The following ARHGEF7 variants were observed in gnomAD, a reference collection of about 807,000 sequenced individuals.
ARHGEF7 encodes Rho guanine nucleotide exchange factor 7, also known as PAK-interacting exchange factor beta.
ARHGEF7 carries 33 observed loss-of-function variants against 109.8 expected under a neutral mutation model. The observed-to-expected ratio is 0.30, with a 90% CI of 0.23 to 0.40. The LOEUF is 0.40. Ranked by LOEUF, ARHGEF7 falls within the 10% of genes least tolerant of loss-of-function variation. The probability of loss-of-function intolerance (pLI) is 1.00; values close to 1 mark genes in which losing one functional copy is unlikely to be tolerated. For missense variants in ARHGEF7, 938 were observed against 1,098.5 expected (o/e 0.85, Z 2.07); for synonymous variants, 458 against 424.6 (o/e 1.08, Z -0.97).
At chr13:111,242,451 T>C (rs1595097918) in intron 6 of ARHGEF7, among the ~76,000 whole-genome samples, 1 of 152,252 alleles carries the variant, frequency 6.6e-6, no homozygotes, top group African/African-American at 2.4e-5. Context: ...GTTTAATATC[T>C]TTATTACTTC....
At chr13:111,294,852 T>C (rs1595606859) in intron 19 of ARHGEF7, 1 of 985,516 alleles carries the variant, frequency 1.0e-6, no homozygotes, top group African/African-American at 1.7e-5. Context: ...CCTTTGCAAA[T>C]GGCCTAAATG....
intron 5 of ARHGEF7, among the ~76,000 whole-genome samples, chr13:111,218,708 A>G (rs1329686666): frequency 5.3e-5 from 8 of 152,184 alleles, no homozygotes. Flanking sequence ...CAGGTGTTTC[A>G]TATGGAAAAT....
At chr13:111,191,137 G>C (rs116101131) in intron 2 of ARHGEF7, among the ~76,000 whole-genome samples, 2,846 of 152,198 alleles carry the variant, frequency 0.019, 96 homozygotes, top group African/African-American at 0.065. Flanking sequence ...AACCTGGACT[G>C]TTTAGGGAGG....
At chr13:111,280,782 T>C in intron 15 of ARHGEF7, 105 bp downstream of exon 15, 1 of 1,292,432 alleles carries the variant, frequency 7.7e-7, no homozygotes, top group East Asian at 2.5e-5. Context: ...AATATTTGGA[T>C]AAAAAGTGCA....
At chr13:111,193,824 A>C (rs1276695681) in intron 2 of ARHGEF7, among the ~76,000 whole-genome samples, 1 of 152,238 alleles carries the variant, frequency 6.6e-6, no homozygotes, top group Non-Finnish European at 1.5e-5. Context: ...CTCGGGCAGC[A>C]TAAGTCTGGA....
intron 19 of ARHGEF7, chr13:111,293,999 T>C: frequency 4.1e-6 from 4 of 985,424 alleles, no homozygotes; most frequent in Non-Finnish European, 4.8e-6. Flanking sequence ...CAGCTGTTAA[T>C]TCCAAATATT....
intron 2 of ARHGEF7, among the ~76,000 whole-genome samples, chr13:111,189,756 C>T (rs1184518852): frequency 6.6e-6 from 1 of 152,146 alleles, no homozygotes; most frequent in East Asian, 1.9e-4. Context: ...CTGATTGGTG[C>T]ATTTACAAAC....
chr13:111,210,147 C>G (rs754012735), intron 4 of ARHGEF7, 145 bp downstream of exon 4: 3 of 1,070,956 alleles, frequency 2.8e-6, no homozygotes, highest in Non-Finnish European at 2.7e-6. Flanking sequence ...TGCCTGTAAT[C>G]TGGTTTGGCA....
chr13:111,186,472 G>A (rs1377819312), intron 2 of ARHGEF7, among the ~76,000 whole-genome samples: 2 of 152,118 alleles, frequency 1.3e-5, no homozygotes, highest in African/African-American at 4.8e-5. Context: ...TGGGGTGTAG[G>A]AGTGGGTGGG....
intron 19 of ARHGEF7, chr13:111,293,260 CT>C: frequency 3.0e-6 from 3 of 985,426 alleles, no homozygotes; most frequent in Non-Finnish European, 3.6e-6. Context: ...CTCCCCACCC[CT>C]GACATCCATA....
chr13:111,150,857 GA>G, intron 1 of ARHGEF7, among the ~76,000 whole-genome samples: 1 of 152,340 alleles, frequency 6.6e-6, no homozygotes, highest in African/African-American at 2.4e-5. Flanking sequence ...ATCGTGCAAT[GA>G]ACTGGGGCAT....
intron 8 of ARHGEF7, among the ~76,000 whole-genome samples, chr13:111,254,584 C>G (rs1193410286): frequency 5.3e-5 from 7 of 131,394 alleles, no homozygotes; most frequent in South Asian, 2.6e-4. Context: ...TGAAGGCTGG[C>G]CTCAGAAGAG....
In ARHGEF7 at chr13:111,209,880, C is replaced by T. The variant is rs373872938; in HGVS notation, c.346C>T (p.Leu116=). The T allele has an allele frequency of 4.2e-5, 68 of 1,614,026 alleles. No individual in the cohort carries two copies. Among genetic ancestry groups the T allele is most frequent in the Non-Finnish European group, 5.5e-5 (65 of 1,180,012 alleles). The change falls in exon 4 of 22, where the codon CTG becomes TTG. Residue 116 remains leucine, a synonymous_variant. Transcript: ENST00000646102. ...GTGCATGCTCTTTGCAGACATCGGG[C>T]TGGGGAGTGACTCCGTGTGTGCCCG... is the stretch of plus-strand genomic sequence containing the variant. The part of the protein sequence containing the change: ...TLNKVTADIG[L]GSDSVCARPS...
At chr13:111,283,003 G>A (rs1441098398) in intron 15 of ARHGEF7, 136 bp from the exon 16 acceptor site, 16 of 1,203,908 alleles carry the variant, frequency 1.3e-5, no homozygotes, top group East Asian at 2.6e-5. Flanking sequence ...CCAGAGATAC[G>A]AATGAAATGA....
chr13:111,289,804 T>TA (rs397731974), intron 18 of ARHGEF7, among the ~76,000 whole-genome samples: 5 of 151,908 alleles, frequency 3.3e-5, no homozygotes, highest in East Asian at 1.9e-4. Flanking sequence ...TCTTTTTTTT[T>TA]AACCATTTTC....
intron 5 of ARHGEF7, among the ~76,000 whole-genome samples, chr13:111,230,435 C>A (rs2085877722): frequency 1.3e-5 from 2 of 152,204 alleles, no homozygotes; most frequent in Admixed American, 1.3e-4. Context: ...GTAGAAGCTA[C>A]TAGAAGGCTT....
chr13:111,250,279 G>C (rs913325987), intron 8 of ARHGEF7, among the ~76,000 whole-genome samples: 18 of 152,310 alleles, frequency 1.2e-4, no homozygotes, highest in African/African-American at 4.1e-4. Context: ...GCTGGAATGT[G>C]CCCAGTTTGC....
chr13:111,127,666 AAAAAAAAG>A (rs2067665349), intron 1 of ARHGEF7, among the ~76,000 whole-genome samples: 1 of 150,108 alleles, frequency 6.7e-6, no homozygotes, highest in African/African-American at 2.4e-5. Flanking sequence ...AAAAAAAAAA[AAAAAAAAG>A]AAGGAAGGAA....
intron 2 of ARHGEF7, among the ~76,000 whole-genome samples, chr13:111,179,884 A>G (rs2078569115): frequency 6.6e-6 from 1 of 152,236 alleles, no homozygotes; most frequent in Non-Finnish European, 1.5e-5. Context: ...AGCGGAAGGC[A>G]CTTACTGTTA....
Sources: gnomAD v4.1 joint callset for allele counts (sites outside exome capture counted in the v4.1 genomes callset) on GRCh38, gnomAD v4.1.1 for gene constraint, MANE v1.5 for transcripts, NCBI Gene and HGNC (gene_info 2026-07-23, HGNC 2026-07-21) for gene names.